The following LYPD6 variants were observed in gnomAD, a reference collection of about 807,000 sequenced individuals.
LYPD6 encodes the protein LY6/PLAUR domain containing 6.
Under a neutral mutation model 22.7 loss-of-function variants are expected in LYPD6, and 15 were observed. That is an observed-to-expected ratio of 0.66 (90% CI 0.44 to 1.02). LYPD6 has a LOEUF of 1.02. LYPD6 is among the 50% of genes least tolerant of loss of function. LYPD6 has a pLI of 0.00. For missense variants in LYPD6, 189 were observed against 208.4 expected (o/e 0.91, Z 0.57); for synonymous variants, 72 against 77.5 (o/e 0.93, Z 0.37).
At chr2:149,331,059 C>G (rs1327666445) in intron 1 of LYPD6, among the ~76,000 whole-genome samples, 6 of 152,188 alleles carry the variant, frequency 3.9e-5, no homozygotes, top group Admixed American at 3.3e-4. Context: ...AGCATCTTCT[C>G]ACGGCCCAAC....
chr2:149,483,607 G>T, the LYPD6 span, among the ~76,000 whole-genome samples: 1 of 152,096 alleles, frequency 6.6e-6, no homozygotes, highest in South Asian at 2.1e-4. Context: ...TATGCTATTT[G>T]CAGTTGGTTA....
At chr2:149,470,220 C>T (rs1270158595) in intron 4 of LYPD6, among the ~76,000 whole-genome samples, 1 of 152,184 alleles carries the variant, frequency 6.6e-6, no homozygotes. Flanking sequence ...GACACTTATG[C>T]AAACAGTTCT....
At chr2:149,358,332 G>GT (rs1681507942) in intron 1 of LYPD6, among the ~76,000 whole-genome samples, 1 of 152,188 alleles carries the variant, frequency 6.6e-6, no homozygotes, top group Non-Finnish European at 1.5e-5. Context: ...GTATAGACAA[G>GT]TAACAAGTCT....
intron 1 of LYPD6, among the ~76,000 whole-genome samples, chr2:149,378,840 A>G (rs1681995092): frequency 1.3e-5 from 2 of 152,080 alleles, no homozygotes; most frequent in Non-Finnish European, 2.9e-5. Flanking sequence ...TGTACTCCTT[A>G]CTGCCCCATC....
intron 3 of LYPD6, among the ~76,000 whole-genome samples, chr2:149,463,503 C>A (rs1416554864): frequency 6.6e-6 from 1 of 152,158 alleles, no homozygotes; most frequent in Non-Finnish European, 1.5e-5. Context: ...CATGCAACTA[C>A]CACATAACCC....
intron 3 of LYPD6, among the ~76,000 whole-genome samples, chr2:149,457,542 C>G (rs1196644): frequency 6.6e-6 from 1 of 151,902 alleles, no homozygotes; most frequent in East Asian, 1.9e-4. Context: ...CTTCCCTGCC[C>G]GAAGTATATT....
intron 1 of LYPD6, among the ~76,000 whole-genome samples, chr2:149,355,352 G>A (rs939574842): frequency 1.3e-5 from 2 of 152,184 alleles, no homozygotes; most frequent in Admixed American, 1.3e-4. Context: ...CTAATCAGCT[G>A]CATGAGACAT....
intron 1 of LYPD6, among the ~76,000 whole-genome samples, chr2:149,342,159 T>C (rs1163565441): frequency 1.3e-5 from 2 of 152,100 alleles, no homozygotes; most frequent in African/African-American, 2.4e-5. Context: ...CCTAGGACTT[T>C]GGAAAGTTAG....
chr2:149,468,509 C>T (rs1573833301), intron 3 of LYPD6, 136 bp from the exon 4 acceptor site: 7 of 943,200 alleles, frequency 7.4e-6, no homozygotes, highest in East Asian at 2.6e-5. Context: ...TGGGGTTGGA[C>T]ATAAACTCAA....
chr2:149,348,678 C>T (rs766925571), intron 1 of LYPD6, among the ~76,000 whole-genome samples: 1 of 152,234 alleles, frequency 6.6e-6, no homozygotes, highest in Non-Finnish European at 1.5e-5. Flanking sequence ...TATGTTGATT[C>T]TTCCCCCACT....
At chr2:149,438,729 A>G (rs1683490660) in intron 2 of LYPD6, among the ~76,000 whole-genome samples, 1 of 152,254 alleles carries the variant, frequency 6.6e-6, no homozygotes, top group South Asian at 2.1e-4. Context: ...GAAGGCAGCC[A>G]TGTGGACTCC....
intron 1 of LYPD6, among the ~76,000 whole-genome samples, chr2:149,348,061 CAAAAAAAAAA>C (rs58228847): frequency 6.5e-5 from 5 of 76,718 alleles, no homozygotes; most frequent in South Asian, 6.2e-4. Context: ...ACTAAAAATA[CAAAAAAAAAA>C]AAAAAAAAAA....
At chr2:149,391,434 A>G (rs1682307728) in intron 1 of LYPD6, among the ~76,000 whole-genome samples, 3 of 151,636 alleles carry the variant, frequency 2.0e-5, no homozygotes, top group Admixed American at 2.0e-4. Flanking sequence ...GGCATGGACT[A>G]TTGTGGATCT....
the LYPD6 span, among the ~76,000 whole-genome samples, chr2:149,479,206 A>G: frequency 3.3e-5 from 5 of 152,162 alleles, no homozygotes; most frequent in Non-Finnish European, 7.3e-5. Context: ...ATTGGCTTCC[A>G]TGAACCACCC....
At chr2:149,434,852 CT>C (rs1329631888) in intron 1 of LYPD6, among the ~76,000 whole-genome samples, 1 of 152,150 alleles carries the variant, frequency 6.6e-6, no homozygotes, top group East Asian at 1.9e-4. Flanking sequence ...CAATTATACT[CT>C]TTTAAAATTA....
At chr2:149,331,696 A>G (rs1023762083) in intron 1 of LYPD6, among the ~76,000 whole-genome samples, 3 of 152,152 alleles carry the variant, frequency 2.0e-5, no homozygotes, top group Non-Finnish European at 4.4e-5. Flanking sequence ...GAAGAACAGC[A>G]TTGACCTCCC....
At chr2:149,349,392 G>A (rs1053544207) in intron 1 of LYPD6, among the ~76,000 whole-genome samples, 1 of 152,154 alleles carries the variant, frequency 6.6e-6, no homozygotes, top group African/African-American at 2.4e-5. Context: ...CATGAAAAGT[G>A]TGGGACTTGG....
chr2:149,379,334 G>A (rs934676781), intron 1 of LYPD6, among the ~76,000 whole-genome samples: 5 of 152,178 alleles, frequency 3.3e-5, no homozygotes, highest in Non-Finnish European at 7.3e-5. Context: ...CCTGCCTCAG[G>A]TCTTTATGGA....
downstream of LYPD6, among the ~76,000 whole-genome samples, chr2:149,474,320 TC>T (rs1455536702): frequency 6.6e-6 from 1 of 152,032 alleles, no homozygotes; most frequent in Non-Finnish European, 1.5e-5. Context: ...TGCCTCAGCC[TC>T]CCGAGTAGCT....
Sources: gnomAD v4.1 joint callset for allele counts (sites outside exome capture counted in the v4.1 genomes callset) on GRCh38, gnomAD v4.1.1 for gene constraint, MANE v1.5 for transcripts, NCBI Gene and HGNC (gene_info 2026-07-23, HGNC 2026-07-21) for gene names.